Variants in PDE4D observed in about 807,000 individuals in gnomAD.
PDE4D encodes the protein phosphodiesterase 4D.
Under a neutral mutation model 87.4 loss-of-function variants are expected in PDE4D, and 24 were observed. The ratio of observed to expected loss-of-function variants is 0.27; its 90% confidence interval spans 0.20 to 0.39. PDE4D has a LOEUF of 0.39. Ranked by LOEUF, PDE4D falls within the 10% of genes least tolerant of loss-of-function variation. The pLI is 1.00. For synonymous variants in PDE4D, 384 were observed against 383.2 expected (o/e 1.00, Z -0.02); for missense variants, 714 against 1,041.0 (o/e 0.69, Z 4.32).
intron 1 of PDE4D, among the ~76,000 whole-genome samples, chr5:59,599,236 C>CTTT (rs11409094): frequency 2.5e-4 from 36 of 142,262 alleles, no homozygotes; most frequent in South Asian, 2.4e-3. Flanking sequence ...TTTGCTTTTT[C>CTTT]TTTTTTTTTT....
At chr5:59,604,358 T>C (rs959805238) in intron 1 of PDE4D, among the ~76,000 whole-genome samples, 19 of 152,076 alleles carry the variant, frequency 1.2e-4, no homozygotes, top group African/African-American at 4.1e-4. Flanking sequence ...TTGTTTCCCT[T>C]GATTCCTCAG....
intron 1 of PDE4D, among the ~76,000 whole-genome samples, chr5:60,467,106 C>T (rs1175381890): frequency 2.6e-5 from 4 of 151,850 alleles, no homozygotes; most frequent in African/African-American, 9.7e-5. Flanking sequence ...GTGGCGTGAT[C>T]TCTGCTCACT....
chr5:60,474,105 C>CATATATATATATGTGTATGT (rs1491252291), intron 1 of PDE4D, among the ~76,000 whole-genome samples: 3 of 30,982 alleles, frequency 9.7e-5, no homozygotes, highest in East Asian at 1.1e-3. Context: ...TTTGAGCTGC[C>CATATATATATATGTGTATGT]ATATATATAT....
intron 1 of PDE4D, among the ~76,000 whole-genome samples, chr5:60,218,075 G>A (rs1217526837): frequency 1.3e-5 from 2 of 151,928 alleles, no homozygotes; most frequent in Non-Finnish European, 2.9e-5. Flanking sequence ...ATGAGTAGAT[G>A]TATTCATCAA....
intron 1 of PDE4D, among the ~76,000 whole-genome samples, chr5:59,799,080 T>C (rs1310098303): frequency 6.6e-6 from 1 of 152,116 alleles, no homozygotes; most frequent in African/African-American, 2.4e-5. Flanking sequence ...CCCTATCTCA[T>C]AAACAATAAA....
chr5:59,075,974 T>A (rs1173553894), intron 5 of PDE4D, among the ~76,000 whole-genome samples: 1 of 152,170 alleles, frequency 6.6e-6, no homozygotes, highest in Non-Finnish European at 1.5e-5. Flanking sequence ...CCATTGCAGA[T>A]CTTTCTAGAG....
chr5:59,862,812 A>G (rs1185729439), intron 1 of PDE4D, among the ~76,000 whole-genome samples: 2 of 152,226 alleles, frequency 1.3e-5, no homozygotes, highest in Non-Finnish European at 2.9e-5. Context: ...CAATTGGGTA[A>G]TGACAAATAA....
chr5:59,072,444 T>C (rs1765004464), intron 5 of PDE4D, among the ~76,000 whole-genome samples: 1 of 152,170 alleles, frequency 6.6e-6, no homozygotes, highest in Admixed American at 6.5e-5. Context: ...CACAAATATA[T>C]AAGTGTTTAT....
chr5:58,975,898 C>CAAAAA lies in PDE4D; in HGVS notation c.1831-64_1831-60dup. ...TGTTCCTTTTTTTTAAAAAAAAAAA[C>CAAAAA]AAAAAAAACTAGAAATTCACATTGG... On this transcript the variant is annotated intron_variant, in intron 13 of 14. Coordinates refer to ENST00000340635, the MANE Select transcript of PDE4D (RefSeq NM_001104631.2). The surrounding 1 kb of genome is among the most constrained non-coding windows in gnomAD (Gnocchi z 4.2). The CAAAAA allele has an allele frequency of 1.1e-6, 1 of 875,978 alleles. No homozygotes were observed. The allele number at this position is 875,978 out of a possible 1,614,324, so 54.3% of individuals were successfully genotyped here.
At chr5:60,432,654 G>A (rs1269824570) in intron 1 of PDE4D, among the ~76,000 whole-genome samples, 16 of 152,112 alleles carry the variant, frequency 1.1e-4, no homozygotes, top group Admixed American at 1.0e-3. Flanking sequence ...AAAGCTGGAG[G>A]AATCACATCA....
intron 1 of PDE4D, among the ~76,000 whole-genome samples, chr5:60,202,236 T>G (rs747208808): frequency 2.6e-5 from 4 of 152,166 alleles, no homozygotes; most frequent in Non-Finnish European, 5.9e-5. Flanking sequence ...AGTGCAGTGG[T>G]GCAATCAAAC....
chr5:59,691,275 G>T (rs1282709491), intron 1 of PDE4D, among the ~76,000 whole-genome samples: 1 of 152,148 alleles, frequency 6.6e-6, no homozygotes, highest in African/African-American at 2.4e-5. Flanking sequence ...GCACATGTAT[G>T]TTTATTGCAG....
intron 1 of PDE4D, among the ~76,000 whole-genome samples, chr5:59,605,016 T>C (rs1583285661): frequency 6.6e-6 from 1 of 152,138 alleles, no homozygotes; most frequent in Non-Finnish European, 1.5e-5. Flanking sequence ...CAAAAGTCTG[T>C]TTCTTTCTCT....
At chr5:60,215,219 A>G (rs149106750) in intron 1 of PDE4D, among the ~76,000 whole-genome samples, 305 of 152,300 alleles carry the variant, frequency 2.0e-3, no homozygotes, top group African/African-American at 7.2e-3. Flanking sequence ...ACTTAAAGAC[A>G]TTTGGTATCT....
chr5:60,449,731 C>T (rs1745945480), intron 1 of PDE4D, among the ~76,000 whole-genome samples: 1 of 151,126 alleles, frequency 6.6e-6, no homozygotes, highest in Non-Finnish European at 1.5e-5. Flanking sequence ...TCTTAAACTC[C>T]TGGGCTCAAG....
intron 2 of PDE4D, among the ~76,000 whole-genome samples, chr5:59,990,038 C>T (rs1383601730): frequency 6.6e-6 from 1 of 152,108 alleles, no homozygotes; most frequent in Non-Finnish European, 1.5e-5. Context: ...ATTTCCTTCC[C>T]TTCTGAGTTT....
intron 2 of PDE4D, among the ~76,000 whole-genome samples, chr5:60,159,530 C>T (rs565614876): frequency 3.6e-4 from 55 of 152,160 alleles, no homozygotes; most frequent in African/African-American, 1.3e-3. Flanking sequence ...ACCTGCATCA[C>T]CATAAACATA....
chr5:59,467,288 A>G (rs1289330153), intron 1 of PDE4D, among the ~76,000 whole-genome samples: 3 of 152,200 alleles, frequency 2.0e-5, no homozygotes, highest in African/African-American at 7.2e-5. Flanking sequence ...GCAGGAATAA[A>G]CCAGTCTGTG....
At chr5:59,426,907 C>T (rs1582546340) in intron 1 of PDE4D, among the ~76,000 whole-genome samples, 1 of 151,816 alleles carries the variant, frequency 6.6e-6, no homozygotes. Context: ...CTTACATTTT[C>T]TTACAGTTGC....
Sources: gnomAD v4.1 joint callset for allele counts (sites outside exome capture counted in the v4.1 genomes callset) on GRCh38, gnomAD v4.1.1 for gene constraint, Gnocchi (gnomAD v3.1) non-coding constraint, MANE v1.5 for transcripts, NCBI Gene and HGNC (gene_info 2026-07-23, HGNC 2026-07-21) for gene names.